Variants in TPRA1 observed in about 807,000 individuals in gnomAD.
TPRA1 encodes transmembrane protein adipocyte-associated 1.
In TPRA1, 28 loss-of-function variants were observed where a neutral mutation model predicts 40.1. The ratio of observed to expected loss-of-function variants is 0.70; its 90% confidence interval spans 0.52 to 0.96. TPRA1 has a LOEUF of 0.96. TPRA1 is among the 40% of genes least tolerant of loss of function. TPRA1 has a pLI of 0.00. For missense variants in TPRA1, 441 were observed against 482.6 expected (o/e 0.91, Z 0.81); for synonymous variants, 219 against 209.7 (o/e 1.04, Z -0.38).
rs756309155 is a variant in TPRA1, at chr3:127,573,550, T to C, written c.1093A>G (p.Ser365Gly). 10 of 1,612,924 alleles carry C rather than the reference T, an allele frequency of 6.2e-6. No homozygotes were observed. Among genetic ancestry groups the C allele is most frequent in the Non-Finnish European group, 8.5e-6 (10 of 1,179,934 alleles). Residue 365 changes from serine to glycine, a missense_variant, in exon 11 of 11, where the codon AGC (serine) becomes GGC (glycine). Coordinates refer to ENST00000355552, the MANE Select transcript of TPRA1 (RefSeq NM_001136053.4). ...GCATTGATGGCCTTCCAGCGCTCGC[T>C]GTCTGTGCTGTTGATGCTGCCAGTG... ...CHTGSINSTD[S>G]ERWKAINA is the part of the protein sequence containing the mutation.
chr3:127,580,983 G>C (rs2073814048), intron 1 of TPRA1, among the ~76,000 whole-genome samples: 2 of 152,356 alleles, frequency 1.3e-5, no homozygotes, highest in East Asian at 1.9e-4. Flanking sequence ...CTGAGCATGA[G>C]AGGTCGAGTC....
At chr3:127,580,293 C>T in intron 1 of TPRA1, 130 bp from the exon 2 acceptor site, 3 of 1,048,218 alleles carry the variant, frequency 2.9e-6, no homozygotes, top group Non-Finnish European at 4.0e-6. Flanking sequence ...CCTCCCCACC[C>T]ACTGCAGCTC....
At chr3:127,582,734 C>T (rs1283553986) in intron 1 of TPRA1, among the ~76,000 whole-genome samples, 1 of 150,346 alleles carries the variant, frequency 6.7e-6, no homozygotes, top group Non-Finnish European at 1.5e-5. Context: ...GGCACGGTGG[C>T]TCACACCTGT....
upstream of TPRA1, among the ~76,000 whole-genome samples, chr3:127,593,678 C>G (rs1389720403): frequency 6.6e-6 from 1 of 152,134 alleles, no homozygotes; most frequent in Non-Finnish European, 1.5e-5. Context: ...TATCCCCCAC[C>G]ATGTACCTAT....
At chr3:127,579,686 C>T in intron 3 of TPRA1, 54 bp downstream of exon 3, 1 of 1,592,922 alleles carries the variant, frequency 6.3e-7, no homozygotes, top group Non-Finnish European at 8.6e-7. Flanking sequence ...AGTTAATTCC[C>T]TTTTTGTTTA....
rs752428289 is a variant in TPRA1 at position 127,573,726 on chromosome 3, A to G, written c.917T>C (p.Val306Ala). Reference sequence around the variant, plus strand: ...CACAGCGTAGGGCTGGGGTAGGTGTACATCTGGCTCCTCTGTCTCGTCCAC... The same window carrying G: ...CACAGCGTAGGGCTGGGGTAGGTGTGCATCTGGCTCCTCTGTCTCGTCCAC... The part of the protein sequence containing the change: ...CQVDETEEPD[V>A]HLPQPYAVAR... The change falls in exon 11 of 11, where the codon GTA becomes GCA. Residue 306 changes from valine to alanine, a missense_variant. Transcript: ENST00000355552. 4.4e-6 allele frequency: 7 copies of G among 1,606,426 alleles called. No homozygotes were observed. In the South Asian group the frequency reaches 6.6e-5, roughly 15 times the overall value.
Position 127,575,280 on chromosome 3 carries a change from G to T in TPRA1, c.774-15C>A. 6.2e-7 allele frequency: 1 copy of T among 1,611,850 alleles called. No homozygotes were observed. The highest frequency in any genetic ancestry group is 1.1e-5 in the South Asian group (1 of 90,912). Reference sequence around the variant, plus strand: ...CATCTACACAGCTGCGGAGAAGGCGGGTCAGCGCGGGGCCTCCTAGCCCCA... The same window carrying T: ...CATCTACACAGCTGCGGAGAAGGCGTGTCAGCGCGGGGCCTCCTAGCCCCA... On this transcript the variant is annotated splice_polypyrimidine_tract_variant and intron_variant, in intron 9 of 10. Coordinates refer to ENST00000355552, the MANE Select transcript of TPRA1 (RefSeq NM_001136053.4).
Position 127,573,490 on chromosome 3 carries a change from G to A in TPRA1, c.*31C>T, listed in dbSNP as rs62264113. 191,036 of 1,593,740 alleles carry A rather than the reference G, an allele frequency of 0.12. 14,271 individuals carry two copies. Among genetic ancestry groups the A allele is most frequent in the Admixed American group, 0.31 (18,326 of 59,218 alleles). ...TCTGGGCCTGCTGGCCTCCTCTCTG[G>A]CCTGTCCTCCACAGGCCCTGGCAGC... On this transcript the variant is annotated 3_prime_UTR_variant, in exon 11 of 11. Coordinates refer to ENST00000355552, the MANE Select transcript of TPRA1 (RefSeq NM_001136053.4).
rs1188440012 is a variant in TPRA1, at chr3:127,571,430, A to G, written c.*2091T>C. On this transcript the variant is annotated 3_prime_UTR_variant, in exon 11 of 11. Transcript: ENST00000355552. The stretch of plus-strand genomic sequence containing the variant: ...TGTGTGCTCCAGCAATTCTACTTGC[A>G]TGAGTTACCAAAAGCAAATTTATAA... 1 of 152,270 alleles carries G rather than the reference A, an allele frequency of 6.6e-6. No homozygotes were observed. The highest frequency in any genetic ancestry group is 1.5e-5 in the Non-Finnish European group (1 of 68,052). 9.4% of individuals were successfully genotyped at this position (152,270 alleles called of 1,614,324 possible). A position where few individuals can be genotyped will look rare whatever the true frequency, so the allele number is the denominator to read the frequency against.
chr3:127,581,171 G>GT (rs2073819503), intron 1 of TPRA1, among the ~76,000 whole-genome samples: 1 of 152,244 alleles, frequency 6.6e-6, no homozygotes, highest in East Asian at 1.9e-4. Context: ...GCACCAGAAC[G>GT]TAACAGATGC....
chr3:127,575,373 C>G (rs1255344536), intron 9 of TPRA1, 30 bp downstream of exon 9: 1 of 1,571,358 alleles, frequency 6.4e-7, no homozygotes, highest in African/African-American at 1.4e-5. Flanking sequence ...CATGCCCCCA[C>G]GAGGCAGACA....
intron 1 of TPRA1, among the ~76,000 whole-genome samples, chr3:127,585,325 G>A (rs2073966732): frequency 6.6e-6 from 1 of 152,224 alleles, no homozygotes; most frequent in African/African-American, 2.4e-5. Flanking sequence ...GCAAAAAACA[G>A]GCCAGGGTAG....
chr3:127,577,150 C>T (rs2073669899), intron 3 of TPRA1, 74 bp from the exon 4 acceptor site: 2 of 1,480,128 alleles, frequency 1.4e-6, no homozygotes, highest in African/African-American at 2.8e-5. Flanking sequence ...AAGCCCACCC[C>T]CATATCTACA....
chr3:127,593,251 C>G (rs535853808), upstream of TPRA1, among the ~76,000 whole-genome samples: 6 of 152,320 alleles, frequency 3.9e-5, no homozygotes, highest in East Asian at 1.2e-3. Flanking sequence ...ATCTGACTCT[C>G]AGGTTCTTCA....
upstream of TPRA1, among the ~76,000 whole-genome samples, chr3:127,594,168 G>A (rs1217756149): frequency 1.3e-5 from 2 of 152,270 alleles, no homozygotes; most frequent in Non-Finnish European, 2.9e-5. Context: ...GTCTGGTGGT[G>A]TGGGGCACAC....
chr3:127,576,671 G>C lies in TPRA1; in HGVS notation c.444C>G (p.Ile148Met), dbSNP rs760248891. Residue 148 changes from isoleucine to methionine, a missense_variant, in exon 6 of 11, where the codon ATC (isoleucine) becomes ATG (methionine). Coordinates refer to ENST00000355552, the MANE Select transcript of TPRA1 (RefSeq NM_001136053.4). The surrounding 1 kb of genome is among the most constrained non-coding windows in gnomAD (Gnocchi z 4.6). ...AFGHLESKSS[I>M]KRVLAITTVL... ...CTGTGGTGATGGCCAGCACCCGCTT[G>C]ATGCTGGACTTACTCTCCAGGTGGC... 3.1e-6 allele frequency: 5 copies of C among 1,610,988 alleles called. No individual in the cohort carries two copies. Among genetic ancestry groups the C allele is most frequent in the Non-Finnish European group, 4.2e-6 (5 of 1,178,750 alleles).
Position 127,575,775 on chromosome 3 carries a change from G to C in TPRA1, c.644C>G (p.Pro215Arg). 1.2e-6 allele frequency: 2 copies of C among 1,613,806 alleles called. No individual in the cohort carries two copies. The highest frequency in any genetic ancestry group is 2.7e-5 in the African/African-American group (2 of 75,046). Residue 215 changes from proline to arginine, a missense_variant, in exon 8 of 11, where the codon CCG (proline) becomes CGG (arginine). Coordinates refer to ENST00000355552, the MANE Select transcript of TPRA1 (RefSeq NM_001136053.4). ...AGGCAGGGAGATGCGCTCCTTCAGC[G>C]GGGTCTTGGGAAGGATGACCACCAG... ...YSLVVILPKTPLKERISLPSR... is the reference protein window; with the variant it reads ...YSLVVILPKTRLKERISLPSR...
chr3:127,574,036 G>A (rs758787807), intron 10 of TPRA1, among the ~76,000 whole-genome samples: 28 of 152,310 alleles, frequency 1.8e-4, no homozygotes, highest in South Asian at 4.1e-4. Context: ...GGTGAAATGG[G>A]TGTGTGGACA....
Position 127,573,648 on chromosome 3 carries a change from CT to C in TPRA1, c.994del (p.Ser332AlafsTer176). 6.2e-7 allele frequency: 1 copy of C among 1,613,484 alleles called. No individual in the cohort carries two copies. The highest frequency in any genetic ancestry group is 8.5e-7 in the Non-Finnish European group (1 of 1,180,010). ...AGAGTCGAACTGCGTGCTCGAGTAG[CT>C]GGCAGCTGAGGCCCCAGCAGCCCCT... ...AAGAAGASAA[S>X]YSSTQFDSAG... On this transcript the variant is annotated frameshift_variant, in exon 11 of 11. Transcript: ENST00000355552. LOFTEE classifies it high-confidence loss of function.
Sources: gnomAD v4.1 joint callset for allele counts (sites outside exome capture counted in the v4.1 genomes callset) on GRCh38, gnomAD v4.1.1 for gene constraint, Gnocchi (gnomAD v3.1) non-coding constraint, MANE v1.5 for transcripts, NCBI Gene and HGNC (gene_info 2026-07-23, HGNC 2026-07-21) for gene names.